RPA3: variants seen among roughly 807,000 people sequenced by gnomAD.
RPA3 encodes the protein replication protein A 14 kDa subunit.
RPA3 carries 24 observed loss-of-function variants against 13.7 expected under a neutral mutation model. The ratio of observed to expected loss-of-function variants is 1.75; its 90% CI spans 1.27 to 2.46. The LOEUF (loss-of-function observed/expected upper bound fraction) is 2.46, where lower values mean the gene tolerates loss of function less well. RPA3 is among the 30% of genes most tolerant of loss of function. The pLI is 0.00. For missense variants in RPA3, 183 were observed against 151.0 expected, an observed-to-expected ratio of 1.21 and a Z score of -1.11; for synonymous variants, 59 against 51.2, an observed-to-expected ratio of 1.15 and a Z score of -0.65.
In RPA3 at chr7:7,665,193, A is replaced by T. The variant is rs553917727; in HGVS notation, c.-758+20637T>A. Among the ~76,000 whole-genome samples the T allele has an allele frequency of 2.0e-5, 3 of 152,334 alleles. No individual in the cohort carries two copies. In the East Asian group the frequency reaches 5.8e-4, roughly 29 times the overall value. On this transcript the variant is annotated intron_variant, in intron 4 of 7. Transcript: ENST00000223129. ...ATGTTGCCTAATCCTTTTGTCATGGATAATATTACTTAAAAGGGAAGCCTT... is the reference window on the plus strand; with the variant it reads ...ATGTTGCCTAATCCTTTTGTCATGGTTAATATTACTTAAAAGGGAAGCCTT...
chr7:7,640,020 C>T (rs188640699), intron 5 of RPA3: 56 of 387,286 alleles, frequency 1.4e-4, no homozygotes, highest in Middle Eastern at 1.4e-3. Context: ...ACTAAGAAAT[C>T]TGAAGGTAGA....
At chr7:7,675,680 C>T (rs908241826) in intron 4 of RPA3, among the ~76,000 whole-genome samples, 4 of 152,178 alleles carry the variant, frequency 2.6e-5, no homozygotes, top group African/African-American at 9.7e-5. Context: ...GGAATTTTCC[C>T]AGGACCATCT....
chr7:7,666,907 G>C (rs1476920829), intron 4 of RPA3, among the ~76,000 whole-genome samples: 1 of 152,146 alleles, frequency 6.6e-6, no homozygotes, highest in Non-Finnish European at 1.5e-5. Flanking sequence ...CCAAGTTCAA[G>C]TAATTCTCCT....
intron 2 of RPA3, among the ~76,000 whole-genome samples, chr7:7,698,203 A>T (rs562032443): frequency 6.6e-6 from 1 of 152,348 alleles, no homozygotes; most frequent in East Asian, 1.9e-4. Flanking sequence ...TATATGCTTC[A>T]TTAGTGTTTT....
intron 2 of RPA3, among the ~76,000 whole-genome samples, chr7:7,714,853 CTTT>C (rs1029148023): frequency 2.7e-5 from 3 of 111,170 alleles, no homozygotes; most frequent in Non-Finnish European, 5.8e-5. Flanking sequence ...AAAAATTTTT[CTTT>C]TTTTTTTTTT....
intron 2 of RPA3, among the ~76,000 whole-genome samples, chr7:7,690,816 G>A (rs997398104): frequency 3.3e-5 from 5 of 152,076 alleles, no homozygotes; most frequent in Non-Finnish European, 7.4e-5. Flanking sequence ...CTAGCCTGTA[G>A]GCATCTTTTC....
At chr7:7,718,123 T>C (rs1244338751) in intron 1 of RPA3, among the ~76,000 whole-genome samples, 1 of 152,160 alleles carries the variant, frequency 6.6e-6, no homozygotes. Flanking sequence ...AAATTTTAGA[T>C]CAGATAAGAA....
chr7:7,654,431 G>T (rs919281651), intron 4 of RPA3, among the ~76,000 whole-genome samples: 1 of 152,208 alleles, frequency 6.6e-6, no homozygotes, highest in Non-Finnish European at 1.5e-5. Flanking sequence ...AGACAGTACA[G>T]TTATCCTTCG....
At position 7,640,550 on chromosome 7, in the gene RPA3, G is replaced by A; in HGVS notation, c.-132C>T. On this transcript the variant is annotated 5_prime_UTR_variant, in exon 5 of 8. Transcript: ENST00000223129. ...AGCGCTCCAGCTTCGCCAATTAAAT[G>A]CGCGGAAACCTAAATCGCAATCGCG... 1.3e-6 allele frequency: 1 copy of A among 796,974 alleles called. No individual in the cohort carries two copies. The highest frequency in any genetic ancestry group is 2.6e-5 in the East Asian group (1 of 37,956). The allele number at this position is 796,974 out of a possible 1,614,324, so 49.4% of individuals were successfully genotyped here.
intron 4 of RPA3, among the ~76,000 whole-genome samples, chr7:7,672,575 G>T (rs897072807): frequency 6.6e-6 from 1 of 152,126 alleles, no homozygotes; most frequent in Non-Finnish European, 1.5e-5. Flanking sequence ...TAAATCATGG[G>T]AGCCATTTCA....
At chr7:7,675,598 T>G (rs1392254357) in intron 4 of RPA3, among the ~76,000 whole-genome samples, 1 of 152,194 alleles carries the variant, frequency 6.6e-6, no homozygotes, top group Non-Finnish European at 1.5e-5. Flanking sequence ...CTTCCAAATT[T>G]CGTATTTTAA....
At chr7:7,692,120 C>T (rs982388306) in intron 2 of RPA3, among the ~76,000 whole-genome samples, 14 of 152,158 alleles carry the variant, frequency 9.2e-5, no homozygotes, top group Non-Finnish European at 2.9e-5. Context: ...AAACAGAGTA[C>T]TTCGCCCCCT....
Position 7,640,369 on chromosome 7 carries a change from A to G in RPA3, c.50T>C (p.Leu17Pro). 1 of 1,614,030 alleles carries G rather than the reference A, an allele frequency of 6.2e-7. No individual in the cohort carries two copies. The highest frequency in any genetic ancestry group is 1.1e-5 in the South Asian group (1 of 91,080). ...LPRSRINAGM[L>P]AQFIDKPVCF... ...GACAGGCTTGTCGATGAATTGAGCT[A>G]GCATGCCGGCGTTGATGCGCGACCT... is the stretch of plus-strand genomic sequence containing the variant. Residue 17 changes from leucine (L) to proline (P), a missense_variant, in exon 5 of 8, where the codon CTA becomes CCA. Transcript: ENST00000223129.
intron 4 of RPA3, among the ~76,000 whole-genome samples, chr7:7,674,039 T>C (rs1779678204): frequency 6.6e-6 from 1 of 152,202 alleles, no homozygotes; most frequent in Non-Finnish European, 1.5e-5. Flanking sequence ...CATGTCACAT[T>C]TCTTCCCCTG....
intron 4 of RPA3, among the ~76,000 whole-genome samples, chr7:7,659,717 C>A (rs1785428502): frequency 6.6e-6 from 1 of 152,098 alleles, no homozygotes; most frequent in Non-Finnish European, 1.5e-5. Context: ...TGTTTTACTT[C>A]CAATTATGTG....
At chr7:7,687,825 T>C (rs1267793064) in intron 2 of RPA3, among the ~76,000 whole-genome samples, 1 of 152,212 alleles carries the variant, frequency 6.6e-6, no homozygotes, top group Non-Finnish European at 1.5e-5. Flanking sequence ...AAAGGAGTAA[T>C]TGCTCTGAAA....
chr7:7,689,779 A>G (rs993307387), intron 2 of RPA3, among the ~76,000 whole-genome samples: 1 of 152,180 alleles, frequency 6.6e-6, no homozygotes, highest in African/African-American at 2.4e-5. Flanking sequence ...AGTCATAAGT[A>G]AACATTTTGA....
chr7:7,685,401 A>G (rs1780020550), intron 4 of RPA3, among the ~76,000 whole-genome samples: 1 of 150,058 alleles, frequency 6.7e-6, no homozygotes, highest in South Asian at 2.1e-4. Flanking sequence ...CCTCTGCCTC[A>G]TGGGTTCAAG....
intron 4 of RPA3, among the ~76,000 whole-genome samples, chr7:7,683,282 C>CCCA (rs1779957489): frequency 6.6e-6 from 1 of 152,116 alleles, no homozygotes; most frequent in Non-Finnish European, 1.5e-5. Context: ...GGTGCTGGGA[C>CCCA]CCATTCCTAG....
Sources: gnomAD v4.1 joint callset for allele counts (sites outside exome capture counted in the v4.1 genomes callset) on GRCh38, gnomAD v4.1.1 for gene constraint, MANE v1.5 for transcripts, NCBI Gene and HGNC (gene_info 2026-07-23, HGNC 2026-07-21) for gene names.